Variants in MSRA observed in about 807,000 individuals in gnomAD.
MSRA encodes the protein mitochondrial peptide methionine sulfoxide reductase.
In MSRA, 54 loss-of-function variants were observed where a neutral mutation model predicts 31.3. The ratio of observed to expected loss-of-function variants is 1.73; its 90% CI spans 1.39 to 2.17. The LOEUF (loss-of-function observed/expected upper bound fraction) is 2.17. Ranked by LOEUF, MSRA falls within the 30% of genes most tolerant of loss-of-function variation. The probability of loss-of-function intolerance (pLI) is 0.00; values close to 1 mark genes in which losing one functional copy is unlikely to be tolerated. For synonymous variants in MSRA, 169 were observed against 116.5 expected (o/e 1.45, Z -2.90); for missense variants, 507 against 300.9 (o/e 1.69, Z -5.07).
At chr8:10,354,748 GTGTATATA>G (rs1563386568) in intron 5 of MSRA, among the ~76,000 whole-genome samples, 2 of 129,018 alleles carry the variant, frequency 1.6e-5, no homozygotes, top group African/African-American at 6.0e-5. Flanking sequence ...GTGTGTGTGT[GTGTATATA>G]TATATATATA....
intron 1 of MSRA, 126 bp downstream of exon 1, chr8:10,054,784 G>T: frequency 1.8e-6 from 2 of 1,124,878 alleles, no homozygotes; most frequent in Non-Finnish European, 2.3e-6. Flanking sequence ...CGGGGTGGGG[G>T]TCTGCGCAGG....
intron 1 of MSRA, among the ~76,000 whole-genome samples, chr8:10,204,722 T>C (rs1808793308): frequency 6.6e-6 from 1 of 152,226 alleles, no homozygotes; most frequent in African/African-American, 2.4e-5. Flanking sequence ...ACTGTATATA[T>C]GTATTTTTAA....
At chr8:10,248,232 G>A (rs184415520) in intron 3 of MSRA, among the ~76,000 whole-genome samples, 3 of 152,296 alleles carry the variant, frequency 2.0e-5, no homozygotes, top group Admixed American at 2.0e-4. Context: ...TGAATATTTT[G>A]TAAAGATTTT....
At chr8:10,087,187 G>C (rs1227985881) in intron 1 of MSRA, among the ~76,000 whole-genome samples, 2 of 152,098 alleles carry the variant, frequency 1.3e-5, no homozygotes, top group Non-Finnish European at 2.9e-5. Context: ...ATATTTCCCA[G>C]AGCCTTACTA....
At chr8:10,290,627 G>A (rs866079328) in intron 3 of MSRA, among the ~76,000 whole-genome samples, 6 of 152,220 alleles carry the variant, frequency 3.9e-5, no homozygotes, top group East Asian at 1.9e-4. Flanking sequence ...AGGGGGAGGC[G>A]TGAGAGTATG....
At chr8:10,327,805 C>A (rs140777110) in intron 5 of MSRA, among the ~76,000 whole-genome samples, 4 of 151,978 alleles carry the variant, frequency 2.6e-5, no homozygotes, top group African/African-American at 9.7e-5. Flanking sequence ...TGGTGGTGGG[C>A]GCCTGTAGTC....
At chr8:10,157,788 C>T (rs774731200) in intron 1 of MSRA, among the ~76,000 whole-genome samples, 2 of 151,934 alleles carry the variant, frequency 1.3e-5, no homozygotes, top group African/African-American at 2.4e-5. Flanking sequence ...CTTCTTCTTT[C>T]TCTCTCTCCC....
intron 2 of MSRA, among the ~76,000 whole-genome samples, chr8:10,242,038 G>C (rs576711096): frequency 6.6e-6 from 1 of 152,190 alleles, no homozygotes; most frequent in East Asian, 1.9e-4. Flanking sequence ...TTGGGAGGCG[G>C]AGGGGGGCAG....
intron 1 of MSRA, among the ~76,000 whole-genome samples, chr8:10,108,525 A>C (rs532054314): frequency 3.9e-5 from 6 of 152,168 alleles, no homozygotes; most frequent in Non-Finnish European, 8.8e-5. Context: ...ATATTTTGGT[A>C]CATTTAGAGT....
chr8:10,261,914 A>G (rs1798505957), intron 3 of MSRA, among the ~76,000 whole-genome samples: 2 of 152,200 alleles, frequency 1.3e-5, no homozygotes, highest in Non-Finnish European at 2.9e-5. Flanking sequence ...TACCTTTGAT[A>G]GTTCCGCCTT....
At chr8:10,372,449 C>T (rs934911772) in intron 5 of MSRA, among the ~76,000 whole-genome samples, 10 of 152,130 alleles carry the variant, frequency 6.6e-5, no homozygotes, top group Non-Finnish European at 1.3e-4. Context: ...ATTTTATTTC[C>T]ATTCAGTAAT....
intron 1 of MSRA, among the ~76,000 whole-genome samples, chr8:10,102,147 C>G (rs1191878964): frequency 1.3e-5 from 2 of 152,138 alleles, no homozygotes; most frequent in African/African-American, 4.8e-5. Context: ...GGGGCTCATT[C>G]ACCTTCTTGA....
intron 5 of MSRA, among the ~76,000 whole-genome samples, chr8:10,427,388 G>A (rs1809244268): frequency 6.6e-6 from 1 of 152,184 alleles, no homozygotes; most frequent in Non-Finnish European, 1.5e-5. Context: ...TTCCCAGCTT[G>A]TGTTGATGCG....
intron 1 of MSRA, among the ~76,000 whole-genome samples, chr8:10,151,028 G>A (rs888141240): frequency 6.6e-6 from 1 of 151,996 alleles, no homozygotes; most frequent in African/African-American, 2.4e-5. Context: ...ATGGGGGGGT[G>A]GGGATGAGGC....
chr8:10,333,521 T>G (rs1242604511), intron 5 of MSRA, among the ~76,000 whole-genome samples: 1 of 152,196 alleles, frequency 6.6e-6, no homozygotes, highest in Admixed American at 6.5e-5. Flanking sequence ...GGCTCTGTAC[T>G]TGCTTTGTGT....
chr8:10,355,127 C>G (rs1441126903), intron 5 of MSRA, among the ~76,000 whole-genome samples: 1 of 152,198 alleles, frequency 6.6e-6, no homozygotes, highest in Non-Finnish European at 1.5e-5. Flanking sequence ...GGGCCGGGTT[C>G]CGTGCACCTC....
chr8:10,344,574 CAAAAAAAAAAA>C lies in MSRA; in HGVS notation c.543+24604_543+24614del, dbSNP rs56843505. Among the ~76,000 whole-genome samples, 14 of 64,642 alleles carry C rather than the reference CAAAAAAAAAAA, an allele frequency of 2.2e-4. 1 individual carries two copies. Among genetic ancestry groups the C allele is most frequent in the African/African-American group, 8.2e-4 (11 of 13,464 alleles). 42.4% of individuals were successfully genotyped at this position (64,642 alleles called of 152,430 possible). The stretch of plus-strand genomic sequence containing the variant: ...TGGGTGACAGAGGGAGACTCCGTCT[CAAAAAAAAAAA>C]AAAAAAAAAAAAAAAAAAGCCAGCC... On this transcript the variant is annotated intron_variant, in intron 5 of 5. Transcript: ENST00000317173.
chr8:10,130,655 GC>G (rs1801831241), intron 1 of MSRA, among the ~76,000 whole-genome samples: 1 of 152,146 alleles, frequency 6.6e-6, no homozygotes, highest in Admixed American at 6.5e-5. Flanking sequence ...ATTTTGGAGG[GC>G]CCTTTTGAAA....
intron 5 of MSRA, chr8:10,337,467 C>G: frequency 4.2e-6 from 2 of 480,498 alleles, no homozygotes; most frequent in Non-Finnish European, 7.4e-6. Flanking sequence ...GCGTGAGCCA[C>G]CACGCCCGGC....
Sources: allele counts gnomAD v4.1 joint callset (sites outside exome capture counted in the v4.1 genomes callset), GRCh38; gene constraint gnomAD v4.1.1; transcripts MANE v1.5; gene names NCBI Gene and HGNC (gene_info 2026-07-23, HGNC 2026-07-21).